Variants in CNPY1 observed in about 807,000 individuals in gnomAD.
CNPY1 encodes canopy FGF signaling regulator 1.
CNPY1 carries 14 observed loss-of-function variants against 14.4 expected under a neutral mutation model. The ratio of observed to expected loss-of-function variants is 0.97; its 90% CI spans 0.64 to 1.52. The LOEUF (loss-of-function observed/expected upper bound fraction) is 1.52. CNPY1 is among the 40% of genes most tolerant of loss of function. CNPY1 has a pLI of 0.00. For synonymous variants in CNPY1, 43 were observed against 46.5 expected, an observed-to-expected ratio of 0.92 and a Z score of 0.31; for missense variants, 129 against 131.5, an observed-to-expected ratio of 0.98 and a Z score of 0.09.
In CNPY1 at chr7:155,536,054, T is replaced by G. The variant is rs1369296101; in HGVS notation, c.99+9777A>C. Among the ~76,000 whole-genome samples, 4 of 152,180 alleles carry G rather than the reference T, an allele frequency of 2.6e-5. No homozygotes were observed. In the East Asian group the frequency reaches 7.7e-4, roughly 29 times the overall value. ...TTTTATTTGGTGCAAGGTTTGGCTG[T>G]AGGTAGTAAACCCTCCGGGATGATA... On this transcript the variant is annotated intron_variant, in intron 2 of 4. Transcript: ENST00000636446. This position sits in a 1 kb window ranked among gnomAD's most constrained non-coding sequence, Gnocchi z 4.1.
intron 2 of CNPY1, among the ~76,000 whole-genome samples, chr7:155,541,745 G>A (rs1797086301): frequency 6.6e-6 from 1 of 152,206 alleles, no homozygotes; most frequent in Admixed American, 6.5e-5. Context: ...CAGGAGGACA[G>A]TGTGGATGGA....
chr7:155,535,135 C>T (rs1005810170), intron 2 of CNPY1, among the ~76,000 whole-genome samples: 13 of 152,234 alleles, frequency 8.5e-5, no homozygotes, highest in African/African-American at 3.1e-4. Flanking sequence ...CAAAACACTC[C>T]TGCATCCCCA....
intron 2 of CNPY1, among the ~76,000 whole-genome samples, chr7:155,531,475 G>A (rs201298981): frequency 2.0e-5 from 3 of 152,132 alleles, no homozygotes; most frequent in Non-Finnish European, 4.4e-5. Context: ...TCTGGATGGC[G>A]CAGTCTGGTG....
At chr7:155,528,748 A>C (rs1019890006) in intron 2 of CNPY1, among the ~76,000 whole-genome samples, 2 of 152,180 alleles carry the variant, frequency 1.3e-5, no homozygotes, top group Non-Finnish European at 2.9e-5. Context: ...GTTATAGACA[A>C]GGCTTCTCCA....
At chr7:155,518,994 C>T (rs1796670326) in intron 2 of CNPY1, among the ~76,000 whole-genome samples, 1 of 152,238 alleles carries the variant, frequency 6.6e-6, no homozygotes, top group Non-Finnish European at 1.5e-5. Context: ...CAATGCTTAA[C>T]ACACCGCATC....
chr7:155,513,601 G>A (rs1302961924), intron 2 of CNPY1, among the ~76,000 whole-genome samples: 1 of 147,726 alleles, frequency 6.8e-6, no homozygotes, highest in Non-Finnish European at 1.5e-5. Context: ...TAACATATAT[G>A]CTTAGGTTGT....
intron 4 of CNPY1, among the ~76,000 whole-genome samples, chr7:155,504,871 T>C (rs576481544): frequency 1.3e-5 from 2 of 152,370 alleles, no homozygotes; most frequent in East Asian, 1.9e-4. Flanking sequence ...CCTTGTATGT[T>C]AGATTAGGCA....
intron 2 of CNPY1, among the ~76,000 whole-genome samples, chr7:155,535,284 C>A (rs1585333641): frequency 6.6e-6 from 1 of 152,160 alleles, no homozygotes; most frequent in Non-Finnish European, 1.5e-5. Context: ...TCCTATGTGC[C>A]CTGCCTCCAG....
intron 2 of CNPY1, among the ~76,000 whole-genome samples, chr7:155,525,688 C>T (rs1046173913): frequency 1.3e-5 from 2 of 152,210 alleles, no homozygotes; most frequent in African/African-American, 4.8e-5. Context: ...ACAGGGCTTC[C>T]TAGACCCCAA....
At chr7:155,533,289 T>A (rs1489468924) in intron 2 of CNPY1, among the ~76,000 whole-genome samples, 1 of 152,206 alleles carries the variant, frequency 6.6e-6, no homozygotes, top group Non-Finnish European at 1.5e-5. Flanking sequence ...CATTGTCACC[T>A]GGCAGATAAG....
chr7:155,517,573 G>C (rs1796645164), intron 2 of CNPY1, among the ~76,000 whole-genome samples: 2 of 152,160 alleles, frequency 1.3e-5, no homozygotes, highest in African/African-American at 4.8e-5. Context: ...TGCAGAGGCG[G>C]CCAGCAGGTC....
chr7:155,535,866 A>C (rs1273904967), intron 2 of CNPY1, among the ~76,000 whole-genome samples: 2 of 152,214 alleles, frequency 1.3e-5, no homozygotes, highest in East Asian at 3.8e-4. Context: ...GTTCTCTGGT[A>C]AGCATCGTCT....
At chr7:155,515,038 G>A (rs370043588) in intron 2 of CNPY1, among the ~76,000 whole-genome samples, 6 of 152,246 alleles carry the variant, frequency 3.9e-5, no homozygotes, top group African/African-American at 1.2e-4. Flanking sequence ...CTGCACACAC[G>A]CACACACCAC....
chr7:155,520,972 T>C (rs1796709422), intron 2 of CNPY1, among the ~76,000 whole-genome samples: 1 of 149,626 alleles, frequency 6.7e-6, no homozygotes, highest in African/African-American at 2.5e-5. Context: ...ATTAAAAATA[T>C]AAAAATTAGC....
chr7:155,532,346 G>C (rs1031894420), intron 2 of CNPY1, among the ~76,000 whole-genome samples: 2 of 149,902 alleles, frequency 1.3e-5, no homozygotes, highest in Non-Finnish European at 3.0e-5. Context: ...AGATGGGCCC[G>C]GGGCCGTGGC....
chr7:155,514,807 T>C (rs955996415), intron 2 of CNPY1, among the ~76,000 whole-genome samples: 1 of 151,976 alleles, frequency 6.6e-6, no homozygotes, highest in Non-Finnish European at 1.5e-5. Context: ...GGCGGGAGAA[T>C]CGCTTGAACC....
chr7:155,510,444 C>T (rs747615630), intron 2 of CNPY1: 2 of 152,222 alleles, frequency 1.3e-5, no homozygotes, highest in African/African-American at 4.8e-5. Context: ...AATACCGCCG[C>T]CGATTAACTA....
intron 2 of CNPY1, among the ~76,000 whole-genome samples, chr7:155,527,050 CTTTCT>C (rs942420598): frequency 1.5e-5 from 1 of 67,492 alleles, no homozygotes; most frequent in African/African-American, 5.8e-5. Context: ...TTCTTTCTTT[CTTTCT>C]TTTTTTTTTT....
At chr7:155,529,117 C>T (rs552457530) in intron 2 of CNPY1, among the ~76,000 whole-genome samples, 1 of 152,162 alleles carries the variant, frequency 6.6e-6, no homozygotes, top group South Asian at 2.1e-4. Flanking sequence ...TTCTGGGCTT[C>T]CGAACCTGGA....
Sources: allele counts gnomAD v4.1 joint callset (sites outside exome capture counted in the v4.1 genomes callset), GRCh38; gene constraint gnomAD v4.1.1; non-coding constraint Gnocchi (gnomAD v3.1); transcripts MANE v1.5; gene names NCBI Gene and HGNC (gene_info 2026-07-23, HGNC 2026-07-21).